SDK1: variants seen among roughly 807,000 people sequenced by gnomAD.
SDK1 encodes the protein protein sidekick-1.
SDK1 carries 157 observed loss-of-function variants against 245.5 expected under a neutral mutation model. That is an observed-to-expected ratio of 0.64 (90% CI 0.56 to 0.73). The LOEUF is 0.73. SDK1 is among the 30% of genes least tolerant of loss of function. The pLI is 0.00. For missense variants in SDK1, 3,583 were observed against 3,002.3 expected (o/e 1.19, Z -4.52); for synonymous variants, 1,647 against 1,278.5 (o/e 1.29, Z -6.15).
At chr7:3,829,927 G>T (rs1227199820) in intron 5 of SDK1, among the ~76,000 whole-genome samples, 1 of 152,216 alleles carries the variant, frequency 6.6e-6, no homozygotes, top group Non-Finnish European at 1.5e-5. Flanking sequence ...CAAGGGTGCA[G>T]TGGGAGATGC....
chr7:3,347,380 T>C (rs1454684614), intron 1 of SDK1, among the ~76,000 whole-genome samples: 1 of 152,134 alleles, frequency 6.6e-6, no homozygotes, highest in Non-Finnish European at 1.5e-5. Context: ...CAGTTGGAGA[T>C]CTGGTGATGT....
At chr7:4,177,712 T>G (rs1434950268) in intron 34 of SDK1, among the ~76,000 whole-genome samples, 1 of 152,208 alleles carries the variant, frequency 6.6e-6, no homozygotes, top group Admixed American at 6.5e-5. Context: ...GGGATGGTTT[T>G]GGGAGGATTC....
Position 4,114,132 on chromosome 7 carries a change from A to G in SDK1, c.3681A>G (p.Gln1227=), listed in dbSNP as rs200440015. The change falls in exon 25 of 45, where the codon CAA becomes CAG. Residue 1227 remains glutamine (Q), a synonymous_variant. Transcript: ENST00000404826. ...ACCTCCAGTCCTCAGCAGTGGCCCA[A>G]GTCGTCAGTGACCGGCTGGAGAGAG... is the stretch of plus-strand genomic sequence containing the variant. ...RSDLQSSAVA[Q]VVSDRLEREF... is the part of the protein sequence containing the mutation. The G allele has an allele frequency of 1.5e-5, 25 of 1,614,108 alleles. No homozygotes were observed. The Admixed American group carries it at 4.0e-4, about 26-fold the overall frequency.
intron 4 of SDK1, among the ~76,000 whole-genome samples, chr7:3,685,591 T>C (rs1405235512): frequency 6.6e-6 from 1 of 152,162 alleles, no homozygotes. Flanking sequence ...TATGTGATGG[T>C]TGATGCAAAA....
Position 3,354,189 on chromosome 7 carries a change from G to A in SDK1, c.298+52305G>A, listed in dbSNP as rs144649209. 9.5e-4 allele frequency among the ~76,000 whole-genome samples: 144 copies of A among 151,956 alleles called. 1 individual carries two copies. Among genetic ancestry groups the A allele is most frequent in the African/African-American group, 3.4e-3 (141 of 41,446 alleles). On this transcript the variant is annotated intron_variant, in intron 1 of 44. Transcript: ENST00000404826. ...AATTTTTTGTATTTTTAGTAGTGAT[G>A]GGGTTTCACTGTGTTAGCTAGGATG...
At chr7:4,021,893 C>G (rs558519704) in intron 17 of SDK1, among the ~76,000 whole-genome samples, 2 of 152,308 alleles carry the variant, frequency 1.3e-5, no homozygotes, top group Non-Finnish European at 2.9e-5. Flanking sequence ...CCTGGCTTGC[C>G]TCACACAGAA....
At chr7:4,237,827 C>A (rs767530117) in intron 42 of SDK1, 43 bp downstream of exon 42, 2 of 1,609,600 alleles carry the variant, frequency 1.2e-6, no homozygotes, top group South Asian at 1.1e-5. Context: ...CGATGCCACT[C>A]AGCCAAAACA....
chr7:3,688,244 T>A (rs746426111), intron 4 of SDK1, among the ~76,000 whole-genome samples: 3 of 152,218 alleles, frequency 2.0e-5, no homozygotes, highest in Non-Finnish European at 1.5e-5. Context: ...TCTGAAGTCC[T>A]GGAGAGCAAT....
intron 4 of SDK1, among the ~76,000 whole-genome samples, chr7:3,781,886 T>A (rs1780755463): frequency 6.6e-6 from 1 of 151,974 alleles, no homozygotes; most frequent in African/African-American, 2.4e-5. Flanking sequence ...GATAAAAGAA[T>A]GATAAAGAAT....
At chr7:3,909,639 C>T (rs766953309) in intron 5 of SDK1, among the ~76,000 whole-genome samples, 2 of 152,178 alleles carry the variant, frequency 1.3e-5, no homozygotes, top group African/African-American at 2.4e-5. Flanking sequence ...GGCCTATATG[C>T]GCTCTCCAGT....
At chr7:3,999,234 C>A (rs1784895995) in intron 14 of SDK1, among the ~76,000 whole-genome samples, 1 of 152,112 alleles carries the variant, frequency 6.6e-6, no homozygotes, top group South Asian at 2.1e-4. Context: ...TTTCTTTCTC[C>A]CCATTCCCTT....
chr7:3,704,211 A>G (rs182310691), intron 4 of SDK1, among the ~76,000 whole-genome samples: 4 of 152,228 alleles, frequency 2.6e-5, no homozygotes, highest in African/African-American at 9.6e-5. Context: ...TTTCCGCCAA[A>G]GACGTTATTT....
chr7:3,346,554 C>G (rs929474796), intron 1 of SDK1, among the ~76,000 whole-genome samples: 1 of 151,354 alleles, frequency 6.6e-6, no homozygotes, highest in Non-Finnish European at 1.5e-5. Context: ...CACTCTGTCA[C>G]CCAGGCTGGA....
At chr7:3,701,021 G>A (rs996674961) in intron 4 of SDK1, among the ~76,000 whole-genome samples, 1 of 152,150 alleles carries the variant, frequency 6.6e-6, no homozygotes, top group East Asian at 1.9e-4. Context: ...TAGGGCTGGG[G>A]AGGAACCAGT....
At chr7:4,078,325 C>T (rs1236324515) in intron 21 of SDK1, among the ~76,000 whole-genome samples, 5 of 152,148 alleles carry the variant, frequency 3.3e-5, no homozygotes, top group African/African-American at 7.2e-5. Context: ...TGAAGTTTAT[C>T]GCCATTAATG....
intron 1 of SDK1, among the ~76,000 whole-genome samples, chr7:3,471,195 C>A (rs184345652): frequency 6.6e-6 from 1 of 152,186 alleles, no homozygotes; most frequent in African/African-American, 2.4e-5. Flanking sequence ...TTACTTGAGT[C>A]GTGAGAAGAC....
intron 32 of SDK1, among the ~76,000 whole-genome samples, chr7:4,173,781 C>T (rs970225546): frequency 7.2e-5 from 11 of 152,098 alleles, no homozygotes; most frequent in Non-Finnish European, 1.5e-4. Context: ...GGGTACAGTA[C>T]GGCAGCCACA....
chr7:3,716,950 C>A (rs1705003675), intron 4 of SDK1, among the ~76,000 whole-genome samples: 1 of 152,044 alleles, frequency 6.6e-6, no homozygotes, highest in South Asian at 2.1e-4. Flanking sequence ...AAATACACTA[C>A]TTTTCACTTC....
chr7:3,521,653 G>A (rs78549147), intron 1 of SDK1, among the ~76,000 whole-genome samples: 3,438 of 152,266 alleles, frequency 0.023, 144 homozygotes, highest in African/African-American at 0.078. Flanking sequence ...GAAGACTACT[G>A]TGGATTCGAT....
Sources: gnomAD v4.1 joint callset for allele counts (sites outside exome capture counted in the v4.1 genomes callset) on GRCh38, gnomAD v4.1.1 for gene constraint, MANE v1.5 for transcripts, NCBI Gene and HGNC (gene_info 2026-07-23, HGNC 2026-07-21) for gene names.